Variants in MKLN1 observed in about 807,000 individuals in gnomAD.
MKLN1 encodes the protein muskelin.
Under a neutral mutation model 99.0 loss-of-function variants are expected in MKLN1, and 18 were observed. The ratio of observed to expected loss-of-function variants is 0.18; its 90% CI spans 0.13 to 0.27. The LOEUF (loss-of-function observed/expected upper bound fraction) is 0.27. Among genes scored for constraint, MKLN1 ranks in the 10% least tolerant of loss-of-function variants. The pLI, the probability that MKLN1 is intolerant of heterozygous loss-of-function variation, is 1.00. For synonymous variants in MKLN1, 288 were observed against 293.2 expected (o/e 0.98, Z 0.18); for missense variants, 621 against 875.9 (o/e 0.71, Z 3.67).
chr7:131,360,605 G>A (rs952078819), intron 1 of MKLN1, among the ~76,000 whole-genome samples: 4 of 151,912 alleles, frequency 2.6e-5, no homozygotes, highest in African/African-American at 9.7e-5. Flanking sequence ...CCCTTATAAT[G>A]TTGTTCTTAC....
chr7:131,322,239 G>A lies in MKLN1; in HGVS notation c.-178-53185G>A, dbSNP rs1029889703. Among the ~76,000 whole-genome samples, 4 of 152,110 alleles carry A rather than the reference G, an allele frequency of 2.6e-5. No homozygotes were observed. In the South Asian group the frequency reaches 8.3e-4, roughly 32 times the overall value. ...TTTAAGCATTTAAGGATTTTATCTT[G>A]TCTTAGATCTGATCTCATCTGGAAT... is the stretch of plus-strand genomic sequence containing the variant. On this transcript the variant is annotated intron_variant, in intron 3 of 7. Coordinates refer to the MKLN1 transcript ENST00000416992.
At chr7:131,396,375 C>G (rs934153468) in intron 4 of MKLN1, among the ~76,000 whole-genome samples, 4 of 152,074 alleles carry the variant, frequency 2.6e-5, no homozygotes, top group Non-Finnish European at 5.9e-5. Context: ...TCCTGGCTCT[C>G]TTGAATTTTT....
At chr7:131,192,756 G>T (rs1030338179) in intron 2 of MKLN1, among the ~76,000 whole-genome samples, 2 of 151,772 alleles carry the variant, frequency 1.3e-5, no homozygotes, top group African/African-American at 4.8e-5. Context: ...TGGCCAGGCT[G>T]GTCTCGAACT....
rs7776626 is a variant in MKLN1, at chr7:131,271,805, A to G, written c.-179+68831A>G. On this transcript the variant is annotated intron_variant, in intron 3 of 7. Coordinates refer to the MKLN1 transcript ENST00000416992. The stretch of plus-strand genomic sequence containing the variant: ...GCACCTGCTGTTCCAGCTACTCAGG[A>G]GGCTGAGGCAGGAGAATCACTTGAA... Among the ~76,000 whole-genome samples the G allele has an allele frequency of 4.7e-3, 716 of 151,960 alleles. 4 individuals carry two copies. The highest frequency in any genetic ancestry group is 0.016 in the African/African-American group (683 of 41,432).
At chr7:131,161,320 T>TA (rs1437641089) in intron 2 of MKLN1, among the ~76,000 whole-genome samples, 16 of 152,158 alleles carry the variant, frequency 1.1e-4, no homozygotes, top group African/African-American at 3.9e-4. Flanking sequence ...CACTCTCCGG[T>TA]ATGGTAGCCA....
chr7:131,113,071 T>C (rs2116842283), intron 1 of MKLN1, among the ~76,000 whole-genome samples: 2 of 152,280 alleles, frequency 1.3e-5, no homozygotes, highest in Middle Eastern at 3.4e-3. Context: ...AAGGACATTA[T>C]AGTATCATGA....
intron 1 of MKLN1, among the ~76,000 whole-genome samples, chr7:131,122,508 T>G (rs1362122629): frequency 6.7e-6 from 1 of 150,238 alleles, no homozygotes; most frequent in African/African-American, 2.5e-5. Context: ...GGCAATTTGC[T>G]TTTCCTCGTC....
At chr7:131,322,602 C>T (rs1445106100) in intron 3 of MKLN1, among the ~76,000 whole-genome samples, 2 of 141,710 alleles carry the variant, frequency 1.4e-5, no homozygotes, top group Non-Finnish European at 3.0e-5. Context: ...CTCGCTCTGT[C>T]GCCCAGGCCG....
intron 3 of MKLN1, among the ~76,000 whole-genome samples, chr7:131,249,160 G>T (rs529977080): frequency 1.3e-5 from 2 of 152,178 alleles, no homozygotes; most frequent in South Asian, 2.1e-4. Context: ...GCTGACTCAC[G>T]ATCTCAGCTC....
At chr7:131,160,634 T>TC in intron 2 of MKLN1, among the ~76,000 whole-genome samples, 1 of 149,712 alleles carries the variant, frequency 6.7e-6, no homozygotes, top group African/African-American at 2.4e-5. Flanking sequence ...TTCTCCCACC[T>TC]CAGCCTCCTG....
rs949569802 is a variant in MKLN1 at position 131,453,557 on chromosome 7, G to A, written c.1525+7654G>A. On this transcript the variant is annotated intron_variant, in intron 12 of 17. Coordinates refer to ENST00000352689, the MANE Select transcript of MKLN1 (RefSeq NM_013255.5). ...GTAAATAAATAAATATGAATAAATG[G>A]GAAAATCTGGATCCCTACTTGACTT... 1.3e-4 allele frequency among the ~76,000 whole-genome samples: 19 copies of A among 151,988 alleles called. No homozygotes were observed. In the South Asian group the frequency reaches 3.7e-3, roughly 30 times the overall value.
chr7:131,290,665 A>G (rs1735666184), intron 3 of MKLN1, among the ~76,000 whole-genome samples: 1 of 152,244 alleles, frequency 6.6e-6, no homozygotes, highest in African/African-American at 2.4e-5. Flanking sequence ...TTTAAGTTGA[A>G]TAGAGATGAT....
intron 2 of MKLN1, among the ~76,000 whole-genome samples, chr7:131,185,690 G>A (rs1796439958): frequency 6.6e-6 from 1 of 152,180 alleles, no homozygotes; most frequent in Admixed American, 6.5e-5. Flanking sequence ...TCTGGAACCA[G>A]CTCTGTCACA....
intron 3 of MKLN1, among the ~76,000 whole-genome samples, chr7:131,279,330 A>G (rs1443593699): frequency 1.3e-5 from 2 of 152,226 alleles, no homozygotes; most frequent in East Asian, 1.9e-4. Context: ...CAGTAGTGCA[A>G]CGTTTTGAGG....
rs1239389266 is a variant in MKLN1 at position 131,192,151 on chromosome 7, ATACATATATACTTATG to A, written c.-296-10703_-296-10688del. On this transcript the variant is annotated intron_variant, in intron 2 of 7. Coordinates refer to the MKLN1 transcript ENST00000416992. Reference sequence around the variant, plus strand: ...TATATAAAAATATATATACGTATATATACATATATACTTATGTATAATATATAAAAATATATAAAAT... The same window carrying A: ...TATATAAAAATATATATACGTATATATATAATATATAAAAATATATAAAAT... 3.0e-4 allele frequency among the ~76,000 whole-genome samples: 36 copies of A among 122,014 alleles called. 6 individuals are homozygous for A. Among genetic ancestry groups the A allele is most frequent in the African/African-American group, 9.8e-4 (30 of 30,576 alleles). The allele number at this position is 122,014 out of a possible 152,430, so 80.0% of individuals were successfully genotyped here. A position where few individuals can be genotyped will look rare whatever the true frequency, so the allele number is the denominator to read the frequency against.
intron 13 of MKLN1, 103 bp downstream of exon 13, chr7:131,463,467 C>A: frequency 1.7e-6 from 2 of 1,204,360 alleles, no homozygotes; most frequent in Non-Finnish European, 2.4e-6. Context: ...TAATTTGTGA[C>A]ATTGTATATT....
chr7:131,411,466 T>A, intron 7 of MKLN1, 83 bp downstream of exon 7: 1 of 911,456 alleles, frequency 1.1e-6, no homozygotes, highest in Non-Finnish European at 1.8e-6. Flanking sequence ...AGTATCATAG[T>A]ACTAAGTTAA....
At chr7:131,122,458 C>T (rs1451253012) in intron 1 of MKLN1, among the ~76,000 whole-genome samples, 2 of 152,172 alleles carry the variant, frequency 1.3e-5, no homozygotes, top group Admixed American at 6.6e-5. Flanking sequence ...CAATCTGAGT[C>T]ATTTTTATCT....
At chr7:131,121,977 C>T (rs1795379541) in intron 1 of MKLN1, among the ~76,000 whole-genome samples, 1 of 152,156 alleles carries the variant, frequency 6.6e-6, no homozygotes, top group South Asian at 2.1e-4. Flanking sequence ...GCCAAGGAAA[C>T]CAAGAGAAGA....
Sources: allele counts gnomAD v4.1 joint callset (sites outside exome capture counted in the v4.1 genomes callset), GRCh38; gene constraint gnomAD v4.1.1; transcripts MANE v1.5; gene names NCBI Gene and HGNC (gene_info 2026-07-23, HGNC 2026-07-21).